H3-7: variants seen among roughly 807,000 people sequenced by gnomAD.
The protein encoded by H3-7 is histone H3-7.
chr1:143,905,622 G>T, the H3-7 span: 1 of 1,582,538 alleles, frequency 6.3e-7, no homozygotes, highest in Non-Finnish European at 8.7e-7. Flanking sequence ...TCACGCGCTT[G>T]GCATGGATGG....
chr1:143,904,890 C>T, the H3-7 span, among the ~76,000 whole-genome samples: 16 of 142,854 alleles, frequency 1.1e-4, no homozygotes, highest in East Asian at 1.0e-3. Context: ...ATAGTTTCAA[C>T]GGCTTGAGGT....
At chr1:143,904,365 C>A in the H3-7 span, 43 of 1,582,572 alleles carry the variant, frequency 2.7e-5, 3 homozygotes, top group Admixed American at 6.7e-5. Context: ...GTGCGCCAGG[C>A]GGGACGCCTC....
the H3-7 span, chr1:143,904,419 A>G: frequency 1.3e-6 from 2 of 1,582,858 alleles, no homozygotes; most frequent in Non-Finnish European, 1.7e-6. Flanking sequence ...GGAGTTCATG[A>G]TGCCCATGGT....
At chr1:143,904,416 A>G in the H3-7 span, 10 of 1,582,776 alleles carry the variant, frequency 6.3e-6, 2 homozygotes, top group Non-Finnish European at 8.7e-6. Flanking sequence ...GAAGGAGTTC[A>G]TGATGCCCAT....
chr1:143,905,424 C>G, the H3-7 span: 1 of 713,912 alleles, frequency 1.4e-6, no homozygotes, highest in Non-Finnish European at 2.3e-6. Context: ...CGTCACCCAC[C>G]ACGAGTGCCC....
chr1:143,904,764 G>C, the H3-7 span: 2 of 685,222 alleles, frequency 2.9e-6, no homozygotes, highest in Non-Finnish European at 4.9e-6. Flanking sequence ...AGGGGGTGGA[G>C]TCTATGTAAA....
chr1:143,905,364 C>T, the H3-7 span: 32 of 559,778 alleles, frequency 5.7e-5, 3 homozygotes, highest in South Asian at 1.8e-4. Flanking sequence ...CATGCCTCTG[C>T]GGCTTTCTCT....
chr1:143,904,646 G>C, the H3-7 span: 2 of 1,571,006 alleles, frequency 1.3e-6, no homozygotes, highest in Non-Finnish European at 1.7e-6. Context: ...GAAGTAATCC[G>C]AACTACCGCA....
the H3-7 span, chr1:143,904,436 C>G: frequency 3.8e-6 from 6 of 1,583,412 alleles, 1 homozygote; most frequent in South Asian, 2.3e-5. Context: ...TGGTCTTGGA[C>G]GAGATGCCGG....
chr1:143,902,914 C>G, the H3-7 span, among the ~76,000 whole-genome samples: 2 of 143,042 alleles, frequency 1.4e-5, no homozygotes, highest in Non-Finnish European at 3.1e-5. Flanking sequence ...AGCGCAAGGC[C>G]GGGCGCGGTG....
the H3-7 span, among the ~76,000 whole-genome samples, chr1:143,903,609 G>A: frequency 3.8e-5 from 1 of 26,512 alleles, no homozygotes; most frequent in South Asian, 1.2e-3. Context: ...CACAGGGGGT[G>A]GGGTGGTGGC....
At chr1:143,905,652 G>A in the H3-7 span, 14 of 1,582,732 alleles carry the variant, frequency 8.8e-6, 3 homozygotes, top group South Asian at 4.5e-5. Context: ...TCGTGTCTTC[G>A]AACAGCCCCA....
At chr1:143,905,826 C>T in the H3-7 span, 51 of 1,582,366 alleles carry the variant, frequency 3.2e-5, 5 homozygotes, top group African/African-American at 5.0e-4. Context: ...CCCGCAGAGC[C>T]ACGGTGCCGG....
chr1:143,902,851 A>G, the H3-7 span, among the ~76,000 whole-genome samples: 1 of 146,314 alleles, frequency 6.8e-6, no homozygotes, highest in East Asian at 2.0e-4. Flanking sequence ...TCCCACCTCC[A>G]GTCTCGCTGA....
the H3-7 span, chr1:143,905,976 T>C: frequency 1.5e-5 from 23 of 1,578,658 alleles, 4 homozygotes; most frequent in East Asian, 2.3e-5. Context: ...TGCTGTCTCA[T>C]TGATACGAGA....
At chr1:143,904,960 TA>T in the H3-7 span, among the ~76,000 whole-genome samples, 1 of 130,286 alleles carries the variant, frequency 7.7e-6, no homozygotes, top group East Asian at 2.2e-4. Context: ...TAACGCCAGC[TA>T]GACAAGTTAA....
chr1:143,904,721 CT>C, the H3-7 span: 1 of 1,132,474 alleles, frequency 8.8e-7, no homozygotes, highest in Non-Finnish European at 1.3e-6. Flanking sequence ...AAGTGCTGCG[CT>C]TTAATTGGTT....
chr1:143,904,486 C>T, the H3-7 span: 4 of 1,602,490 alleles, frequency 2.5e-6, no homozygotes, highest in Non-Finnish European at 3.4e-6. Context: ...TACACGTAAA[C>T]GGAGTAGCTC....
chr1:143,904,688 C>G, the H3-7 span: 2 of 1,429,752 alleles, frequency 1.4e-6, no homozygotes, highest in African/African-American at 2.8e-5. Context: ...CTTATAGAGC[C>G]TGTATGCAAA....
Sources: allele counts gnomAD v4.1 joint callset (sites outside exome capture counted in the v4.1 genomes callset), GRCh38; gene constraint gnomAD v4.1.1; transcripts MANE v1.5; gene names NCBI Gene and HGNC (gene_info 2026-07-23, HGNC 2026-07-21).